Variants in KIAA1210 observed in about 807,000 individuals in gnomAD.
KIAA1210 encodes acrosomal protein KIAA1210.
In KIAA1210, 48 loss-of-function variants were observed where a neutral mutation model predicts 78.9. The observed-to-expected ratio is 0.61, with a 90% CI of 0.48 to 0.77. The LOEUF is 0.77. Ranked by LOEUF, KIAA1210 falls within the 30% of genes least tolerant of loss-of-function variation. The probability of loss-of-function intolerance (pLI) is 0.00; values close to 1 mark genes in which losing one functional copy is unlikely to be tolerated. For synonymous variants in KIAA1210, 406 were observed against 404.5 expected (o/e 1.00, Z -0.04); for missense variants, 1,108 against 1,100.0 (o/e 1.01, Z -0.10).
At chrX:119,103,896 C>G (rs970833165) in intron 6 of KIAA1210, among the ~76,000 whole-genome samples, 1 of 111,726 alleles carries the variant, frequency 9.0e-6, no homozygotes, top group East Asian at 2.8e-4. Flanking sequence ...CCAGAGTAGG[C>G]AAGTACAGAG....
chrX:119,116,971 T>C (rs1160073712), intron 2 of KIAA1210, among the ~76,000 whole-genome samples: 1 of 112,447 alleles, frequency 8.9e-6, no homozygotes, highest in African/African-American at 3.2e-5. Flanking sequence ...ATTTCAGCTA[T>C]TAACATATAC....
chrX:119,150,678 C>T (rs1352997784), upstream of KIAA1210: 5 of 885,520 alleles, frequency 5.6e-6, no homozygotes, highest in East Asian at 1.2e-4. Flanking sequence ...CCCACTCACA[C>T]GCACACGCAC....
At chrX:119,085,353 G>C (rs147636868) in intron 10 of KIAA1210, 30 bp downstream of exon 10, 419 of 1,173,722 alleles carry the variant, frequency 3.6e-4, no homozygotes, top group Middle Eastern at 7.2e-4. Flanking sequence ...AACCTTTTTG[G>C]AGTGTTTTAT....
At chrX:119,136,008 G>A (rs1928904746) in intron 2 of KIAA1210, among the ~76,000 whole-genome samples, 1 of 110,820 alleles carries the variant, frequency 9.0e-6, no homozygotes, top group Non-Finnish European at 1.9e-5. Context: ...AGCCGAGATT[G>A]CGCCACTGCA....
chrX:119,108,825 C>G (rs773961642), intron 4 of KIAA1210, among the ~76,000 whole-genome samples: 1 of 102,874 alleles, frequency 9.7e-6, no homozygotes, highest in African/African-American at 3.7e-5. Context: ...GCCTAGGTGA[C>G]AGAGTGAGAC....
At chrX:119,110,290 A>T (rs767170275) in intron 3 of KIAA1210, among the ~76,000 whole-genome samples, 1 of 112,247 alleles carries the variant, frequency 8.9e-6, no homozygotes, top group South Asian at 3.7e-4. Context: ...ATGCAGAAAA[A>T]ACATTTGTAA....
intron 5 of KIAA1210, among the ~76,000 whole-genome samples, chrX:119,105,837 T>C (rs1328496045): frequency 8.9e-6 from 1 of 112,102 alleles, no homozygotes; most frequent in African/African-American, 3.2e-5. Context: ...TACACTTGAC[T>C]TTGAGACACT....
chrX:119,134,429 C>T (rs779344420), intron 2 of KIAA1210, among the ~76,000 whole-genome samples: 19 of 112,520 alleles, frequency 1.7e-4, no homozygotes, highest in Non-Finnish European at 2.6e-4. Context: ...TGGCACACTA[C>T]TTAAAATGAC....
chrX:119,121,578 T>TC (rs397753571), intron 2 of KIAA1210, among the ~76,000 whole-genome samples: 1 of 109,715 alleles, frequency 9.1e-6, no homozygotes, highest in Non-Finnish European at 1.9e-5. Context: ...GGCTGTTTTT[T>TC]CTCCAGGGAA....
chrX:119,100,710 T>G (rs1927712495), intron 6 of KIAA1210, among the ~76,000 whole-genome samples: 1 of 111,889 alleles, frequency 8.9e-6, no homozygotes, highest in African/African-American at 3.3e-5. Flanking sequence ...TAATTTGTCA[T>G]CCCTCACCCT....
intron 6 of KIAA1210, among the ~76,000 whole-genome samples, chrX:119,099,313 A>G (rs1250313140): frequency 8.9e-6 from 1 of 112,366 alleles, no homozygotes; most frequent in East Asian, 2.8e-4. Flanking sequence ...TAGATTGGGT[A>G]TGTGCAGGAC....
At chrX:119,097,177 A>G (rs1012657894) in intron 6 of KIAA1210, among the ~76,000 whole-genome samples, 6 of 111,656 alleles carry the variant, frequency 5.4e-5, no homozygotes, top group African/African-American at 2.0e-4. Context: ...GTGCATTTTC[A>G]TAGACAGCAC....
At chrX:119,134,605 T>C (rs1291764186) in intron 2 of KIAA1210, among the ~76,000 whole-genome samples, 1 of 112,116 alleles carries the variant, frequency 8.9e-6, no homozygotes, top group African/African-American at 3.2e-5. Flanking sequence ...AGGGGATGCC[T>C]GCCTCAGATA....
rs376072164 is a variant in KIAA1210, at chrX:119,081,192, G to A, written c.*137C>T. The A allele has an allele frequency of 2.5e-5, 11 of 432,749 alleles. No individual in the cohort carries two copies. The highest frequency in any genetic ancestry group is 1.1e-4 in the Admixed American group (2 of 18,885). The allele number at this position is 432,749 out of a possible 1,213,427, so 35.7% of individuals were successfully genotyped here. A position where few individuals can be genotyped will look rare whatever the true frequency, so the allele number is the denominator to read the frequency against. On this transcript the variant is annotated 3_prime_UTR_variant, in exon 12 of 12. Transcript: ENST00000691062. ...TGAGGCGGGAGAGTGGCGTGAACCC[G>A]GGAGGCGGAGCTTGCAGTGAGCGGA...
chrX:119,083,442 A>G (rs1927029974), intron 10 of KIAA1210, among the ~76,000 whole-genome samples: 2 of 112,269 alleles, frequency 1.8e-5, no homozygotes. Flanking sequence ...CCTTTTCCTT[A>G]GCACTTTACC....
chrX:119,138,082 A>G (rs946067331), intron 2 of KIAA1210, among the ~76,000 whole-genome samples: 3 of 110,911 alleles, frequency 2.7e-5, no homozygotes, highest in African/African-American at 9.9e-5. Flanking sequence ...AAGCTACAGA[A>G]GGGACCAGAA....
At chrX:119,135,502 G>A (rs950984697) in intron 2 of KIAA1210, among the ~76,000 whole-genome samples, 1 of 111,787 alleles carries the variant, frequency 8.9e-6, no homozygotes, top group Non-Finnish European at 1.9e-5. Flanking sequence ...GAAAGCATGA[G>A]AACACTGGGA....
intron 2 of KIAA1210, among the ~76,000 whole-genome samples, chrX:119,140,531 TAAAAAAAAAA>T (rs5903548): frequency 1.6e-5 from 1 of 62,657 alleles, no homozygotes; most frequent in South Asian, 1.1e-3. Flanking sequence ...GACTCTTTCT[TAAAAAAAAAA>T]AAAAAAAAAA....
rs1327618493 is a variant in KIAA1210, at chrX:119,116,657, C to T, written c.69G>A (p.Lys23=). Reference sequence around the variant, plus strand: ...TCTTAAGGGCTTTAAATTTGCATTTCTTCTTTCCTGGAAGTGAAAAATGAA... The same window carrying T: ...TCTTAAGGGCTTTAAATTTGCATTTTTTCTTTCCTGGAAGTGAAAAATGAA... ...DVLEAGDEGK[K]KCKFKALKSF... The change falls in exon 3 of 12, where the codon AAG becomes AAA. Residue 23 remains lysine, a synonymous_variant. Coordinates refer to ENST00000691062, the MANE Select transcript of KIAA1210 (RefSeq NM_001394962.1). 8.3e-7 allele frequency: 1 copy of T among 1,199,798 alleles called. No homozygotes were observed. The highest frequency in any genetic ancestry group is 1.1e-6 in the Non-Finnish European group (1 of 888,515).
Sources: allele counts gnomAD v4.1 joint callset (sites outside exome capture counted in the v4.1 genomes callset), GRCh38; gene constraint gnomAD v4.1.1; transcripts MANE v1.5; gene names NCBI Gene and HGNC (gene_info 2026-07-23, HGNC 2026-07-21).